The following CRADD variants were observed in gnomAD, a reference collection of about 807,000 sequenced individuals.
The protein encoded by CRADD is death domain-containing protein CRADD.
CRADD carries 9 observed loss-of-function variants against 15.5 expected under a neutral mutation model. The ratio of observed to expected loss-of-function variants is 0.58; its 90% CI spans 0.35 to 1.01. The LOEUF (loss-of-function observed/expected upper bound fraction) is 1.01, where lower values mean the gene tolerates loss of function less well. Ranked by LOEUF, CRADD falls within the 50% of genes least tolerant of loss-of-function variation. The probability of loss-of-function intolerance (pLI) is 0.02; values close to 1 mark genes in which losing one functional copy is unlikely to be tolerated. For synonymous variants in CRADD, 118 were observed against 107.6 expected, an observed-to-expected ratio of 1.10 and a Z score of -0.60; for missense variants, 227 against 250.3, an observed-to-expected ratio of 0.91 and a Z score of 0.63.
At chr12:93,837,877 T>C (rs887363904) in intron 2 of CRADD, 2 of 152,204 alleles carry the variant, frequency 1.3e-5, no homozygotes, top group African/African-American at 2.4e-5. Context: ...GATTCAAATT[T>C]ATACTACCCA....
At chr12:93,826,363 C>G (rs1166198381) in intron 2 of CRADD, among the ~76,000 whole-genome samples, 1 of 152,106 alleles carries the variant, frequency 6.6e-6, no homozygotes, top group African/African-American at 2.4e-5. Context: ...TTTTGTTGTT[C>G]CAAGGGAGAA....
chr12:93,829,243 A>T (rs1957861711), intron 2 of CRADD, among the ~76,000 whole-genome samples: 1 of 151,990 alleles, frequency 6.6e-6, no homozygotes, highest in South Asian at 2.1e-4. Flanking sequence ...TTGAGTGAAA[A>T]GAGTCTGTTT....
At chr12:93,891,999 A>C (rs1958579261) in intron 2 of CRADD, among the ~76,000 whole-genome samples, 1 of 152,208 alleles carries the variant, frequency 6.6e-6, no homozygotes, top group Non-Finnish European at 1.5e-5. Context: ...TCCCATGAAC[A>C]AGATCTCATT....
At chr12:93,742,512 G>C (rs528611120) in intron 2 of CRADD, among the ~76,000 whole-genome samples, 2 of 151,488 alleles carry the variant, frequency 1.3e-5, no homozygotes, top group African/African-American at 4.8e-5. Context: ...GGGGGCGCCT[G>C]CAAGACCTGT....
rs74638150 is a variant in CRADD, at chr12:93,828,729, A to G, written c.299-21241A>G. Reference sequence around the variant, plus strand: ...TCACTAATACCCACTGTCAATTTCTATAGCTTTAGGATGTCTTAAAATCAG... The same window carrying G: ...TCACTAATACCCACTGTCAATTTCTGTAGCTTTAGGATGTCTTAAAATCAG... On this transcript the variant is annotated intron_variant, in intron 2 of 2. Transcript: ENST00000332896. 4.1e-3 allele frequency among the ~76,000 whole-genome samples: 629 copies of G among 152,336 alleles called. 2 individuals carry two copies. The highest frequency in any genetic ancestry group is 0.015 in the African/African-American group (607 of 41,562).
chr12:93,703,038 T>C (rs1201856706), intron 2 of CRADD, among the ~76,000 whole-genome samples: 1 of 152,212 alleles, frequency 6.6e-6, no homozygotes, highest in Non-Finnish European at 1.5e-5. Flanking sequence ...ACACCTAATA[T>C]AGACTCCCAA....
chr12:93,738,195 TGCAGGG>T, intron 2 of CRADD: 1 of 607,552 alleles, frequency 1.6e-6, no homozygotes, highest in South Asian at 2.0e-5. Context: ...GCTCATTTTT[TGCAGGG>T]TTAGAGGAAA....
At chr12:93,822,587 A>G (rs1232705567) in intron 2 of CRADD, among the ~76,000 whole-genome samples, 4 of 152,174 alleles carry the variant, frequency 2.6e-5, no homozygotes, top group African/African-American at 4.8e-5. Flanking sequence ...GGAGGAGGAA[A>G]AAGTAGTGAT....
intron 2 of CRADD, among the ~76,000 whole-genome samples, chr12:93,862,402 G>GA (rs1339190636): frequency 6.6e-6 from 1 of 152,160 alleles, no homozygotes; most frequent in African/African-American, 2.4e-5. Context: ...ACAGTAGAAA[G>GA]AAAGTTCGCT....
chr12:93,871,562 C>T (rs1444664912), intron 2 of CRADD, among the ~76,000 whole-genome samples: 2 of 152,142 alleles, frequency 1.3e-5, no homozygotes, highest in Non-Finnish European at 2.9e-5. Flanking sequence ...TCCCGCAGCT[C>T]CCCACGACCT....
chr12:93,694,718 G>A (rs1268531013), intron 2 of CRADD, among the ~76,000 whole-genome samples: 3 of 152,054 alleles, frequency 2.0e-5, no homozygotes, highest in African/African-American at 7.2e-5. Flanking sequence ...ATTTTCAATA[G>A]CTACCAAAAG....
At chr12:93,726,100 T>G (rs1419678142) in intron 2 of CRADD, among the ~76,000 whole-genome samples, 10 of 135,992 alleles carry the variant, frequency 7.4e-5, no homozygotes, top group Non-Finnish European at 1.4e-4. Flanking sequence ...TTTAGTTTTT[T>G]TTTTTTTTTT....
intron 2 of CRADD, among the ~76,000 whole-genome samples, chr12:93,825,642 C>T (rs1957815368): frequency 1.3e-5 from 2 of 152,106 alleles, no homozygotes; most frequent in South Asian, 4.1e-4. Flanking sequence ...CTCTGTTATC[C>T]ACCCAATAGC....
At chr12:93,819,466 A>C (rs1475216961) in intron 2 of CRADD, among the ~76,000 whole-genome samples, 1 of 152,274 alleles carries the variant, frequency 6.6e-6, no homozygotes. Context: ...GGCATGACTC[A>C]GAAGCCAGAT....
At chr12:93,713,713 CAG>C (rs1326253400) in intron 2 of CRADD, among the ~76,000 whole-genome samples, 1 of 151,824 alleles carries the variant, frequency 6.6e-6, no homozygotes, top group Admixed American at 6.6e-5. Flanking sequence ...CCTGGGGATA[CAG>C]AGGGCTGACT....
intron 2 of CRADD, among the ~76,000 whole-genome samples, chr12:93,842,599 A>G (rs1483521577): frequency 6.6e-6 from 1 of 152,176 alleles, no homozygotes; most frequent in Non-Finnish European, 1.5e-5. Context: ...AATGTCATAT[A>G]CAAAACCTGG....
At chr12:93,793,389 T>C (rs777139647) in intron 2 of CRADD, among the ~76,000 whole-genome samples, 1 of 152,334 alleles carries the variant, frequency 6.6e-6, no homozygotes, top group East Asian at 1.9e-4. Flanking sequence ...TTTATAAAAA[T>C]GGAAGGACCT....
chr12:93,804,316 T>A (rs1007399266), intron 2 of CRADD, among the ~76,000 whole-genome samples: 3 of 152,184 alleles, frequency 2.0e-5, no homozygotes, highest in African/African-American at 4.8e-5. Context: ...ATTGCAATGA[T>A]GCCTGACATT....
At chr12:93,785,677 A>G (rs2136977888) in intron 2 of CRADD, among the ~76,000 whole-genome samples, 2 of 152,310 alleles carry the variant, frequency 1.3e-5, no homozygotes, top group East Asian at 3.9e-4. Flanking sequence ...CAGAAATGCA[A>G]GCTCATGATA....
Sources: gnomAD v4.1 joint callset for allele counts (sites outside exome capture counted in the v4.1 genomes callset) on GRCh38, gnomAD v4.1.1 for gene constraint, MANE v1.5 for transcripts, NCBI Gene and HGNC (gene_info 2026-07-23, HGNC 2026-07-21) for gene names.